The following IL1RAPL1 variants were observed in gnomAD, a reference collection of about 807,000 sequenced individuals.
IL1RAPL1 encodes the protein interleukin-1 receptor accessory protein-like 1.
A neutral mutation model predicts 48.4 loss-of-function variants in IL1RAPL1; 3 were observed. That is an observed-to-expected ratio of 0.06 (90% confidence interval 0.03 to 0.16). The LOEUF is 0.16. Ranked by LOEUF, IL1RAPL1 falls within the 10% of genes least tolerant of loss-of-function variation. The pLI is 1.00. For missense variants in IL1RAPL1, 349 were observed against 530.6 expected (o/e 0.66, Z 3.36); for synonymous variants, 185 against 187.7 (o/e 0.99, Z 0.12).
chrX:29,188,018 A>G (rs1217601213), intron 2 of IL1RAPL1, among the ~76,000 whole-genome samples: 2 of 112,027 alleles, frequency 1.8e-5, no homozygotes, highest in South Asian at 3.7e-4. Flanking sequence ...TCCCATGCAT[A>G]TTCCTCTCTT....
chrX:29,729,217 C>T (rs1057452713), intron 6 of IL1RAPL1, among the ~76,000 whole-genome samples: 10 of 111,775 alleles, frequency 8.9e-5, no homozygotes, highest in African/African-American at 3.3e-4. Flanking sequence ...CTTAAATTTA[C>T]ATCTACCTAG....
At chrX:29,553,663 A>G (rs777775531) in intron 5 of IL1RAPL1, among the ~76,000 whole-genome samples, 13 of 111,284 alleles carry the variant, frequency 1.2e-4, no homozygotes, top group Non-Finnish European at 2.5e-4. Flanking sequence ...CTCCTGGAAA[A>G]TAGGACTGTA....
intron 6 of IL1RAPL1, among the ~76,000 whole-genome samples, chrX:29,783,427 C>T (rs753305307): frequency 1.8e-5 from 2 of 110,477 alleles, no homozygotes; most frequent in East Asian, 2.8e-4. Flanking sequence ...TGAGTAAGAA[C>T]GAAAGTGATT....
intron 2 of IL1RAPL1, among the ~76,000 whole-genome samples, chrX:29,278,226 A>C (rs1932147785): frequency 8.9e-6 from 1 of 112,268 alleles, no homozygotes; most frequent in Non-Finnish European, 1.9e-5. Context: ...ACAGTGACTT[A>C]ATTAAAAATA....
intron 5 of IL1RAPL1, among the ~76,000 whole-genome samples, chrX:29,418,329 T>C (rs1421598373): frequency 2.8e-5 from 3 of 107,119 alleles, no homozygotes; most frequent in Admixed American, 1.0e-4. Flanking sequence ...GGTTTCACCA[T>C]GTTGGTCAGG....
chrX:29,803,771 C>T (rs1468976999), intron 6 of IL1RAPL1, among the ~76,000 whole-genome samples: 10 of 109,208 alleles, frequency 9.2e-5, no homozygotes, highest in African/African-American at 3.3e-4. Flanking sequence ...TGTACACTTG[C>T]ATAACATAAG....
At chrX:29,527,852 A>C (rs888642197) in intron 5 of IL1RAPL1, among the ~76,000 whole-genome samples, 2 of 111,994 alleles carry the variant, frequency 1.8e-5, no homozygotes, top group African/African-American at 6.5e-5. Context: ...ATGGACAAAA[A>C]TATAAATAGA....
At chrX:28,774,602 C>G (rs772775680) in intron 1 of IL1RAPL1, among the ~76,000 whole-genome samples, 2 of 111,748 alleles carry the variant, frequency 1.8e-5, no homozygotes, top group African/African-American at 3.3e-5. Flanking sequence ...AGTGAGTAAA[C>G]GAGAAAATGT....
chrX:29,872,705 T>C (rs1049733889), intron 6 of IL1RAPL1, among the ~76,000 whole-genome samples: 1 of 111,879 alleles, frequency 8.9e-6, no homozygotes, highest in Non-Finnish European at 1.9e-5. Flanking sequence ...TCTTTTTGCC[T>C]CAATGAGCTG....
At chrX:29,942,213 T>G (rs1933142132) in intron 9 of IL1RAPL1, among the ~76,000 whole-genome samples, 4 of 112,160 alleles carry the variant, frequency 3.6e-5, no homozygotes, top group African/African-American at 1.3e-4. Context: ...TTTAGACTGA[T>G]CCGTTATAAT....
intron 6 of IL1RAPL1, among the ~76,000 whole-genome samples, chrX:29,791,228 C>A (rs994717231): frequency 9.1e-6 from 1 of 110,362 alleles, no homozygotes; most frequent in South Asian, 3.9e-4. Flanking sequence ...CTCCCCCAAC[C>A]CCATTACAAG....
intron 1 of IL1RAPL1, among the ~76,000 whole-genome samples, chrX:28,756,951 A>C (rs768581876): frequency 8.9e-6 from 1 of 111,761 alleles, no homozygotes; most frequent in Non-Finnish European, 1.9e-5. Flanking sequence ...TCTCACCTAC[A>C]CAATGGGCTA....
intron 2 of IL1RAPL1, among the ~76,000 whole-genome samples, chrX:29,195,569 T>C (rs1043726918): frequency 3.0e-5 from 3 of 101,553 alleles, no homozygotes; most frequent in African/African-American, 1.1e-4. Flanking sequence ...TTTTTTTTTT[T>C]TTTTTTTGGA....
intron 2 of IL1RAPL1, among the ~76,000 whole-genome samples, chrX:28,832,508 T>C (rs769920147): frequency 3.1e-4 from 34 of 111,301 alleles, no homozygotes; most frequent in African/African-American, 1.1e-3. Context: ...TAAACATTTG[T>C]TGTCATTTAA....
chrX:29,032,227 G>A (rs1323307019), intron 2 of IL1RAPL1, among the ~76,000 whole-genome samples: 1 of 111,960 alleles, frequency 8.9e-6, no homozygotes, highest in Non-Finnish European at 1.9e-5. Context: ...GAATTCTGTA[G>A]TATGCAACTT....
rs955868220 is a variant in IL1RAPL1, at chrX:29,564,544, G to A, written c.704-103886G>A. Among the ~76,000 whole-genome samples, 9 of 112,794 alleles carry A rather than the reference G, an allele frequency of 8.0e-5. No individual in the cohort carries two copies. In the East Asian group the frequency reaches 2.5e-3, roughly 31 times the overall value. ...TAACTTAAAAAATGGGAAAAGCTAC[G>A]GGAGAGTTAACGTTACCATTTTATG... On this transcript the variant is annotated intron_variant, in intron 5 of 10. Transcript: ENST00000378993.
In IL1RAPL1 at chrX:28,961,881, A is replaced by C. The variant is rs772496401; in HGVS notation, c.82+172456A>C. Among the ~76,000 whole-genome samples, 112 of 111,882 alleles carry C rather than the reference A, an allele frequency of 1.0e-3. No individual in the cohort carries two copies. The Middle Eastern group carries it at 0.014, about 14-fold the overall frequency. On this transcript the variant is annotated intron_variant, in intron 2 of 10. Transcript: ENST00000378993. ...ATATTGGTCTAGATAAATAGATACC[A>C]TTTAATTTTTTTGAGACAATAGTAT...
intron 2 of IL1RAPL1, among the ~76,000 whole-genome samples, chrX:29,231,010 G>GA (rs1931192708): frequency 1.8e-5 from 2 of 111,810 alleles, no homozygotes; most frequent in African/African-American, 3.2e-5. Context: ...GTATTCATCA[G>GA]AAAAAAACAG....
At chrX:29,467,295 A>ATGCCT (rs1432707880) in intron 5 of IL1RAPL1, among the ~76,000 whole-genome samples, 2 of 112,564 alleles carry the variant, frequency 1.8e-5, no homozygotes, top group African/African-American at 6.5e-5. Flanking sequence ...TTCCATTGCC[A>ATGCCT]TGCCTTGCCT....
Sources: allele counts gnomAD v4.1 joint callset (sites outside exome capture counted in the v4.1 genomes callset), GRCh38; gene constraint gnomAD v4.1.1; transcripts MANE v1.5; gene names NCBI Gene and HGNC (gene_info 2026-07-23, HGNC 2026-07-21).